Variants in DNALI1 observed in about 807,000 individuals in gnomAD.
DNALI1 encodes the protein dynein axonemal light intermediate chain 1.
Under a neutral mutation model 33.9 loss-of-function variants are expected in DNALI1, and 31 were observed. The observed-to-expected ratio is 0.91, with a 90% CI of 0.69 to 1.23. The LOEUF (loss-of-function observed/expected upper bound fraction) is 1.23. Among genes scored for constraint, DNALI1 ranks in the 50% most tolerant of loss-of-function variants. The pLI is 0.00. For missense variants in DNALI1, 305 were observed against 323.8 expected, an observed-to-expected ratio of 0.94 and a Z score of 0.44; for synonymous variants, 117 against 129.2, an observed-to-expected ratio of 0.91 and a Z score of 0.64.
Position 37,556,954 on chromosome 1 carries a change from C to T in DNALI1, c.-41C>T, listed in dbSNP as rs1330252977. ...ATGGTGACGGCAAACAAGGCCCACA[C>T]TGGACAGGGCAGCTGCTGGGTTGCT... On this transcript the variant is annotated 5_prime_UTR_variant, in exon 1 of 6. Coordinates refer to ENST00000652629, the MANE Select transcript of DNALI1 (RefSeq NM_003462.5). 2 of 1,614,258 alleles carry T rather than the reference C, an allele frequency of 1.2e-6. No individual in the cohort carries two copies. The highest frequency in any genetic ancestry group is 1.7e-6 in the Non-Finnish European group (2 of 1,180,042).
At chr1:37,557,108 T>TCGAAACTC (rs1643380501) in intron 1 of DNALI1, 33 bp downstream of exon 1, 3 of 1,613,636 alleles carry the variant, frequency 1.9e-6, no homozygotes, top group Non-Finnish European at 2.5e-6. Flanking sequence ...CAAAGGAGCC[T>TCGAAACTC]CGAAACTCCG....
chr1:37,557,208 G>A (rs1406969688), intron 1 of DNALI1, 133 bp downstream of exon 1: 1 of 1,400,052 alleles, frequency 7.1e-7, no homozygotes, highest in Non-Finnish European at 9.7e-7. Flanking sequence ...TGGGAAGTCA[G>A]AGAAGGAGGG....
At chr1:37,557,920 T>C in intron 2 of DNALI1, 172 bp downstream of exon 2, 1 of 830,818 alleles carries the variant, frequency 1.2e-6, no homozygotes, top group Non-Finnish European at 1.8e-6. Flanking sequence ...GGGAGACCTC[T>C]TCTCAATCTA....
At chr1:37,558,919 C>T (rs780333206) in intron 2 of DNALI1, among the ~76,000 whole-genome samples, 8 of 152,224 alleles carry the variant, frequency 5.3e-5, no homozygotes, top group Non-Finnish European at 7.3e-5. Context: ...CTCTCCACCC[C>T]GATACACACA....
In DNALI1 at chr1:37,559,909, T is replaced by C. The variant is rs1643417041; in HGVS notation, c.397+413T>C. 2.0e-5 allele frequency among the ~76,000 whole-genome samples: 3 copies of C among 152,124 alleles called. No individual in the cohort carries two copies. Among genetic ancestry groups the C allele is most frequent in the Admixed American group, 2.0e-4 (3 of 15,266 alleles). ...ATGTGGCAGGAGAGCAGGGTGATAG[T>C]GGGGAGAAGATCAGCAAGAAAACAC... On this transcript the variant is annotated intron_variant, in intron 3 of 5. Transcript: ENST00000652629. The surrounding 1 kb of genome is among the most constrained non-coding windows in gnomAD (Gnocchi z 5.3).
Position 37,561,783 on chromosome 1 carries a change from T to C in DNALI1, c.576+48T>C. 1 of 1,583,862 alleles carries C rather than the reference T, an allele frequency of 6.3e-7. No individual in the cohort carries two copies. Among genetic ancestry groups the C allele is most frequent in the Non-Finnish European group, 8.6e-7 (1 of 1,160,342 alleles). On this transcript the variant is annotated intron_variant, in intron 4 of 5. Transcript: ENST00000652629. The surrounding 1 kb of genome is among the most constrained non-coding windows in gnomAD (Gnocchi z 4.6). ...CTTGGTCCCATCTCTTCTGTAAACC[T>C]CAGGGCCACATGCTTATCATTCCAG...
Position 37,562,015 on chromosome 1 carries a change from C to G in DNALI1, c.577-66C>G. The G allele has an allele frequency of 1.9e-6, 3 of 1,604,756 alleles. No individual in the cohort carries two copies. Among genetic ancestry groups the G allele is most frequent in the Non-Finnish European group, 2.6e-6 (3 of 1,174,390 alleles). ...GCAATGTCATGTCCCATGTCCCTTC[C>G]ACCCAGGCTCACACCATTCCATTCA... is the stretch of plus-strand genomic sequence containing the variant. On this transcript the variant is annotated intron_variant, in intron 4 of 5. Transcript: ENST00000652629. The surrounding 1 kb of genome is among the most constrained non-coding windows in gnomAD (Gnocchi z 5.8).
At chr1:37,563,462 G>C (rs894064210) in intron 5 of DNALI1, among the ~76,000 whole-genome samples, 2 of 152,182 alleles carry the variant, frequency 1.3e-5, no homozygotes, top group Admixed American at 6.5e-5. Context: ...AATCTCCAGG[G>C]TGAAAGATTC....
rs903264707 is a variant in DNALI1 at position 37,566,142 on chromosome 1, G to C, written c.*1081G>C. 3 of 152,366 alleles carry C rather than the reference G, an allele frequency of 2.0e-5. No homozygotes were observed. In the South Asian group the frequency reaches 6.2e-4, roughly 32 times the overall value. 9.4% of individuals were successfully genotyped at this position (152,366 alleles called of 1,614,324 possible). ...CTGCCATCCGTCTTGGGTTCAGTGA[G>C]CTTCAAGGCTCACAATGGAAGCACT... On this transcript the variant is annotated 3_prime_UTR_variant, in exon 6 of 6. Coordinates refer to ENST00000652629, the MANE Select transcript of DNALI1 (RefSeq NM_003462.5).
chr1:37,558,375 CTCTGCT>C (rs1379730869), intron 2 of DNALI1, among the ~76,000 whole-genome samples: 2 of 152,230 alleles, frequency 1.3e-5, no homozygotes, highest in African/African-American at 4.8e-5. Context: ...ACTGCTTCCA[CTCTGCT>C]CCTAGAATCT....
Position 37,557,004 on chromosome 1 carries a change from C to T in DNALI1, c.10C>T (p.Pro4Ser), listed in dbSNP as rs576586816. 2.0e-5 allele frequency: 32 copies of T among 1,614,218 alleles called. No homozygotes were observed. In the South Asian group the frequency reaches 3.4e-4, roughly 17 times the overall value. The change falls in exon 1 of 6, where the codon CCC (proline) becomes TCC (serine). Residue 4 changes from proline to serine, a missense_variant. Transcript: ENST00000652629. Reference sequence around the variant, plus strand: ...TACTCTCGCCTCCGCCATGATTCCGCCCGCAGACTCTTTGCTCAAGTACGA... The same window carrying T: ...TACTCTCGCCTCCGCCATGATTCCGTCCGCAGACTCTTTGCTCAAGTACGA... MIP[P>S]ADSLLKYDTP... is the part of the protein sequence containing the mutation.
At position 37,565,104 on chromosome 1, in the gene DNALI1, AT is replaced by A. The variant is rs1302686892; in HGVS notation, c.*46del. 6.2e-7 allele frequency: 1 copy of A among 1,606,298 alleles called. No homozygotes were observed. Among genetic ancestry groups the A allele is most frequent in the Admixed American group, 1.7e-5 (1 of 59,986 alleles). ...ATTTCCAACAAGACACTTGGGAGTT[AT>A]TTACTGTGTTCCTCTGGCAGCCAAT... On this transcript the variant is annotated 3_prime_UTR_variant, in exon 6 of 6. Coordinates refer to ENST00000652629, the MANE Select transcript of DNALI1 (RefSeq NM_003462.5).
rs574421086 is a variant in DNALI1, at chr1:37,561,941, C to T, written c.577-140C>T. On this transcript the variant is annotated intron_variant, in intron 4 of 5. Transcript: ENST00000652629. This position sits in a 1 kb window ranked among gnomAD's most constrained non-coding sequence, Gnocchi z 4.6. ...TTGGCAGAGTTGTTTCCGCTGTAGA[C>T]GCTCCATGCCAGGCACTGACCTCCC... 9.1e-6 allele frequency: 13 copies of T among 1,421,484 alleles called. No homozygotes were observed. The highest frequency in any genetic ancestry group is 5.3e-5 in the South Asian group (4 of 75,172). 88.1% of individuals were successfully genotyped at this position (1,421,484 alleles called of 1,614,324 possible). A position where few individuals can be genotyped will look rare whatever the true frequency, so the allele number is the denominator to read the frequency against.
At position 37,559,829 on chromosome 1, in the gene DNALI1, C is replaced by T. The variant is rs1041096028; in HGVS notation, c.397+333C>T. Among the ~76,000 whole-genome samples, 1 of 152,220 alleles carries T rather than the reference C, an allele frequency of 6.6e-6. No individual in the cohort carries two copies. Reference sequence around the variant, plus strand: ...ACGGAGGACCCGCACCGGCACTGGTCTCTGAGTTTCCTCAGTATTTATTGA... The same window carrying T: ...ACGGAGGACCCGCACCGGCACTGGTTTCTGAGTTTCCTCAGTATTTATTGA... On this transcript the variant is annotated intron_variant, in intron 3 of 5. Coordinates refer to ENST00000652629, the MANE Select transcript of DNALI1 (RefSeq NM_003462.5). The surrounding 1 kb of genome is among the most constrained non-coding windows in gnomAD (Gnocchi z 5.3).
intron 1 of DNALI1, 112 bp from the exon 2 acceptor site, chr1:37,557,491 G>C: frequency 7.0e-7 from 1 of 1,429,586 alleles, no homozygotes; most frequent in Non-Finnish European, 9.4e-7. Context: ...ACCCAAAGTA[G>C]GCTAGGAAGA....
rs140782337 is a variant in DNALI1, at chr1:37,557,881, T to C, written c.227+133T>C. 1.3e-4 allele frequency: 160 copies of C among 1,266,338 alleles called. No individual in the cohort carries two copies. The African/African-American group carries it at 2.0e-3, about 16-fold the overall frequency. 78.4% of individuals were successfully genotyped at this position (1,266,338 alleles called of 1,614,324 possible). A position where few individuals can be genotyped will look rare whatever the true frequency, so the allele number is the denominator to read the frequency against. ...CCAGTATCACAGAGCTCCTAGAACT[T>C]ACATATGGCTGGATCCTGGCAGGGT... On this transcript the variant is annotated intron_variant, in intron 2 of 5. Transcript: ENST00000652629.
In DNALI1 at chr1:37,562,014, C is replaced by A. The variant is rs1643445408; in HGVS notation, c.577-67C>A. 1.2e-6 allele frequency: 2 copies of A among 1,604,514 alleles called. No individual in the cohort carries two copies. The highest frequency in any genetic ancestry group is 1.7e-6 in the Non-Finnish European group (2 of 1,174,298). On this transcript the variant is annotated intron_variant, in intron 4 of 5. Transcript: ENST00000652629. This position sits in a 1 kb window ranked among gnomAD's most constrained non-coding sequence, Gnocchi z 5.8. ...GGCAATGTCATGTCCCATGTCCCTTCCACCCAGGCTCACACCATTCCATTC... is the reference window on the plus strand; with the variant it reads ...GGCAATGTCATGTCCCATGTCCCTTACACCCAGGCTCACACCATTCCATTC...
intron 5 of DNALI1, among the ~76,000 whole-genome samples, chr1:37,564,575 G>A (rs1178216479): frequency 6.6e-6 from 1 of 152,026 alleles, no homozygotes; most frequent in Admixed American, 6.6e-5. Context: ...TAGAGACGGG[G>A]TTTCACCGTG....
In DNALI1 at chr1:37,565,208, A is replaced by G; in HGVS notation, c.*147A>G. 2.4e-6 allele frequency: 2 copies of G among 817,720 alleles called. No homozygotes were observed. 50.7% of individuals were successfully genotyped at this position (817,720 alleles called of 1,614,324 possible). On this transcript the variant is annotated 3_prime_UTR_variant, in exon 6 of 6. Coordinates refer to ENST00000652629, the MANE Select transcript of DNALI1 (RefSeq NM_003462.5). ...CCATAACCTCCCCTAAACACCACCT[A>G]GGTATTTGTTAGAAGTCACACTATT...
Sources: gnomAD v4.1 joint callset for allele counts (sites outside exome capture counted in the v4.1 genomes callset) on GRCh38, gnomAD v4.1.1 for gene constraint, Gnocchi (gnomAD v3.1) non-coding constraint, MANE v1.5 for transcripts, NCBI Gene and HGNC (gene_info 2026-07-23, HGNC 2026-07-21) for gene names.